FAM168B: variants seen among roughly 807,000 people sequenced by gnomAD.
The protein encoded by FAM168B is myelin-associated neurite-outgrowth inhibitor.
A neutral mutation model predicts 21.8 loss-of-function variants in FAM168B; 19 were observed. The ratio of observed to expected loss-of-function variants is 0.87; its 90% CI spans 0.61 to 1.28. The LOEUF is 1.28. FAM168B is among the 50% of genes most tolerant of loss of function. FAM168B has a pLI of 0.00. For synonymous variants in FAM168B, 126 were observed against 104.8 expected (o/e 1.20, Z -1.24); for missense variants, 233 against 263.1 (o/e 0.89, Z 0.79).
At chr2:131,089,330 T>C (rs1271960809) in intron 1 of FAM168B, among the ~76,000 whole-genome samples, 4 of 152,042 alleles carry the variant, frequency 2.6e-5, no homozygotes, top group Non-Finnish European at 5.9e-5. Flanking sequence ...TATGGGTGGT[T>C]TGACACCTGC....
intron 3 of FAM168B, among the ~76,000 whole-genome samples, chr2:131,057,120 C>T (rs528184057): frequency 2.6e-5 from 4 of 152,176 alleles, no homozygotes; most frequent in Non-Finnish European, 4.4e-5. Context: ...ACACACTGTC[C>T]GTGTCAGACA....
chr2:131,085,802 G>A (rs1343664306), intron 1 of FAM168B, among the ~76,000 whole-genome samples: 1 of 152,170 alleles, frequency 6.6e-6, no homozygotes, highest in Non-Finnish European at 1.5e-5. Context: ...GACCAGCACT[G>A]ACCAACAAAA....
At chr2:131,062,839 A>T (rs1057265257) in intron 3 of FAM168B, among the ~76,000 whole-genome samples, 21 of 152,262 alleles carry the variant, frequency 1.4e-4, no homozygotes, top group African/African-American at 3.9e-4. Flanking sequence ...TATGCAACTC[A>T]GCATGCAATG....
chr2:131,053,993 C>T (rs1053014272), intron 5 of FAM168B, among the ~76,000 whole-genome samples: 4 of 152,188 alleles, frequency 2.6e-5, no homozygotes, highest in African/African-American at 9.7e-5. Context: ...CACCTGAGGT[C>T]AGGAGTTCGA....
Position 131,049,415 on chromosome 2 carries a change from C to G in FAM168B, c.*3050G>C, listed in dbSNP as rs559197255. On this transcript the variant is annotated 3_prime_UTR_variant, in exon 7 of 7. Coordinates refer to ENST00000389915, the MANE Select transcript of FAM168B (RefSeq NM_001009993.4). ...GGCCTACAAACCACACCAAGAAGAACGTTCTTAACAGATGGCTCACGAGAG... is the reference window on the plus strand; with the variant it reads ...GGCCTACAAACCACACCAAGAAGAAGGTTCTTAACAGATGGCTCACGAGAG... 2 of 985,294 alleles carry G rather than the reference C, an allele frequency of 2.0e-6. No homozygotes were observed. The highest frequency in any genetic ancestry group is 1.2e-4 in the Admixed American group (2 of 16,254). 61.0% of individuals were successfully genotyped at this position (985,294 alleles called of 1,614,324 possible).
At chr2:131,088,750 CTAA>C (rs1417061669) in intron 1 of FAM168B, among the ~76,000 whole-genome samples, 1 of 152,108 alleles carries the variant, frequency 6.6e-6, no homozygotes, top group African/African-American at 2.4e-5. Flanking sequence ...TATGTAAATG[CTAA>C]TAATCTTTAC....
At chr2:131,081,286 T>C (rs1406203062) in intron 2 of FAM168B, among the ~76,000 whole-genome samples, 2 of 152,228 alleles carry the variant, frequency 1.3e-5, no homozygotes, top group Admixed American at 1.3e-4. Context: ...CAGTCTGTCA[T>C]GGCTGGTGCC....
At position 131,084,523 on chromosome 2, in the gene FAM168B, CTTG is replaced by C. The variant is rs564234776; in HGVS notation, c.-11-1869_-11-1867del. ...CTAGTTTCCTGTATTTCTTCAAAAA[CTTG>C]TTAAGTTTTTTTTCCTAAGAAAGAC... On this transcript the variant is annotated intron_variant, in intron 1 of 6. Transcript: ENST00000389915. Among the ~76,000 whole-genome samples, 771 of 152,036 alleles carry C rather than the reference CTTG, an allele frequency of 5.1e-3. 1 individual carries two copies. The highest frequency in any genetic ancestry group is 0.024 in the Middle Eastern group (7 of 294).
chr2:131,088,037 C>T (rs1249560761), intron 1 of FAM168B, among the ~76,000 whole-genome samples: 1 of 151,950 alleles, frequency 6.6e-6, no homozygotes, highest in Non-Finnish European at 1.5e-5. Flanking sequence ...CTTGAGACCA[C>T]GCGTTCGAGA....
intron 3 of FAM168B, among the ~76,000 whole-genome samples, chr2:131,067,209 C>A (rs1362612032): frequency 6.6e-6 from 1 of 152,180 alleles, no homozygotes; most frequent in Admixed American, 6.6e-5. Flanking sequence ...GCATACACAG[C>A]CTTGTTCAGG....
intron 3 of FAM168B, among the ~76,000 whole-genome samples, chr2:131,063,091 C>A (rs1692386056): frequency 6.6e-6 from 1 of 152,048 alleles, no homozygotes; most frequent in Non-Finnish European, 1.5e-5. Flanking sequence ...AAAGTTTAAT[C>A]GTAGAATCTT....
Position 131,049,295 on chromosome 2 carries a change from G to C in FAM168B, c.*3170C>G, listed in dbSNP as rs1225122740. ...GCTGGGGAAGGGCAAGACACTCACTGACCAGGTGCCCACCCCAAGGCTCAG... is the reference window on the plus strand; with the variant it reads ...GCTGGGGAAGGGCAAGACACTCACTCACCAGGTGCCCACCCCAAGGCTCAG... On this transcript the variant is annotated 3_prime_UTR_variant, in exon 7 of 7. Coordinates refer to ENST00000389915, the MANE Select transcript of FAM168B (RefSeq NM_001009993.4). 11 of 985,404 alleles carry C rather than the reference G, an allele frequency of 1.1e-5. No individual in the cohort carries two copies. The highest frequency in any genetic ancestry group is 2.4e-6 in the Non-Finnish European group (2 of 830,044). The allele number at this position is 985,404 out of a possible 1,614,324, so 61.0% of individuals were successfully genotyped here.
At chr2:131,081,109 C>T (rs1573809985) in intron 2 of FAM168B, among the ~76,000 whole-genome samples, 1 of 152,180 alleles carries the variant, frequency 6.6e-6, no homozygotes. Context: ...TTGATATTAA[C>T]CTGAAATTTG....
intron 2 of FAM168B, among the ~76,000 whole-genome samples, chr2:131,072,615 C>T (rs1027997623): frequency 3.9e-5 from 6 of 152,132 alleles, no homozygotes; most frequent in Middle Eastern, 3.4e-3. Context: ...TCTACCACCA[C>T]GCCCAGCTAA....
intron 3 of FAM168B, among the ~76,000 whole-genome samples, chr2:131,061,921 A>T (rs1692320557): frequency 6.6e-6 from 1 of 152,238 alleles, no homozygotes; most frequent in Non-Finnish European, 1.5e-5. Context: ...AGGCTGGAAA[A>T]AAAGTTAAAC....
intron 2 of FAM168B, among the ~76,000 whole-genome samples, chr2:131,076,305 G>A (rs771709815): frequency 2.6e-5 from 4 of 152,086 alleles, no homozygotes; most frequent in Non-Finnish European, 5.9e-5. Flanking sequence ...TGGTAGGCTG[G>A]AAAGGCCAGA....
chr2:131,061,967 G>T (rs907670152), intron 3 of FAM168B, among the ~76,000 whole-genome samples: 1 of 152,116 alleles, frequency 6.6e-6, no homozygotes, highest in Non-Finnish European at 1.5e-5. Flanking sequence ...TACAGCCAAT[G>T]TGCAACAAGA....
At chr2:131,065,913 C>T (rs1692534346) in intron 3 of FAM168B, among the ~76,000 whole-genome samples, 1 of 151,604 alleles carries the variant, frequency 6.6e-6, no homozygotes, top group East Asian at 1.9e-4. Context: ...GTGTGATAAA[C>T]AGTTTAATTA....
At chr2:131,062,239 T>G (rs1261867107) in intron 3 of FAM168B, among the ~76,000 whole-genome samples, 1 of 152,162 alleles carries the variant, frequency 6.6e-6, no homozygotes, top group East Asian at 1.9e-4. Flanking sequence ...AACACCTCTC[T>G]CCAAAGAGGG....
Sources: allele counts gnomAD v4.1 joint callset (sites outside exome capture counted in the v4.1 genomes callset), GRCh38; gene constraint gnomAD v4.1.1; transcripts MANE v1.5; gene names NCBI Gene and HGNC (gene_info 2026-07-23, HGNC 2026-07-21).